NPFFR1: variants seen among roughly 807,000 people sequenced by gnomAD.
NPFFR1 encodes neuropeptide FF receptor 1, also known as G-protein coupled receptor 147.
NPFFR1 carries 17 observed loss-of-function variants against 12.7 expected under a neutral mutation model. That is an observed-to-expected ratio of 1.34 (90% CI 0.92 to 2.01). The LOEUF (loss-of-function observed/expected upper bound fraction) is 2.01, where lower values mean the gene tolerates loss of function less well. NPFFR1 is among the 30% of genes most tolerant of loss of function. The probability of loss-of-function intolerance (pLI) is 0.00; values close to 1 mark genes in which losing one functional copy is unlikely to be tolerated. For synonymous variants in NPFFR1, 296 were observed against 264.5 expected (o/e 1.12, Z -1.16); for missense variants, 604 against 606.5 (o/e 1.00, Z 0.04).
rs1840476843 is a variant in NPFFR1, at chr10:70,248,487, T to TTTTTTTTG, written c.*6469_*6470insCAAAAAAA. 9.0e-6 allele frequency: 1 copy of TTTTTTTTG among 111,444 alleles called. No homozygotes were observed. Among genetic ancestry groups the TTTTTTTTG allele is most frequent in the African/African-American group, 3.3e-5 (1 of 30,264 alleles). The allele number at this position is 111,444 out of a possible 1,614,324, so 6.9% of individuals were successfully genotyped here. ...CTGGCGTTTTTTTTTTGTTTTTTGT[T>TTTTTTTTG]TTTTTTTTTTTTTTTTGAGATGGAG... is the stretch of plus-strand genomic sequence containing the variant. On this transcript the variant is annotated 3_prime_UTR_variant, in exon 4 of 4. Coordinates refer to ENST00000277942, the MANE Select transcript of NPFFR1 (RefSeq NM_022146.5).
chr10:70,272,858 A>G (rs1275024802), intron 1 of NPFFR1, among the ~76,000 whole-genome samples: 1 of 152,220 alleles, frequency 6.6e-6, no homozygotes, highest in Non-Finnish European at 1.5e-5. Flanking sequence ...GATGAGAGGG[A>G]AAGTATTGAC....
intron 1 of NPFFR1, among the ~76,000 whole-genome samples, chr10:70,270,320 C>T (rs1840733224): frequency 6.6e-6 from 1 of 152,164 alleles, no homozygotes; most frequent in Non-Finnish European, 1.5e-5. Flanking sequence ...CAGAAAGAAC[C>T]CCCATGAGAG....
At chr10:70,259,299 A>AG (rs1840610188) in intron 3 of NPFFR1, among the ~76,000 whole-genome samples, 1 of 151,908 alleles carries the variant, frequency 6.6e-6, no homozygotes, top group Non-Finnish European at 1.5e-5. Flanking sequence ...TCAAAAAAAA[A>AG]AAAGAAAGAA....
intron 3 of NPFFR1, among the ~76,000 whole-genome samples, chr10:70,257,515 C>T (rs577985516): frequency 1.3e-5 from 2 of 152,350 alleles, no homozygotes; most frequent in African/African-American, 2.4e-5. Context: ...CAATGCACTG[C>T]GGAAAGCCGC....
chr10:70,276,230 G>A (rs1049307682), intron 1 of NPFFR1, among the ~76,000 whole-genome samples: 2 of 152,154 alleles, frequency 1.3e-5, no homozygotes, highest in Non-Finnish European at 2.9e-5. Flanking sequence ...AGGCAGAACC[G>A]GGGTCACTCT....
At position 70,253,922 on chromosome 10, in the gene NPFFR1, G is replaced by A. The variant is rs74820364; in HGVS notation, c.*1035C>T. 23,908 of 152,074 alleles carry A rather than the reference G, an allele frequency of 0.16. 2,033 individuals carry two copies. Among genetic ancestry groups the A allele is most frequent in the Middle Eastern group, 0.21 (63 of 296 alleles). The allele number at this position is 152,074 out of a possible 1,614,324, so 9.4% of individuals were successfully genotyped here. ...TTAGAGTACACAAGTCATTTGTGCT[G>A]GGGAAGAGTTTAGTGTGTGTCCTTC... On this transcript the variant is annotated 3_prime_UTR_variant, in exon 4 of 4. Coordinates refer to ENST00000277942, the MANE Select transcript of NPFFR1 (RefSeq NM_022146.5).
chr10:70,259,818 C>T (rs1190841993), intron 3 of NPFFR1, among the ~76,000 whole-genome samples: 3 of 152,210 alleles, frequency 2.0e-5, no homozygotes, highest in Admixed American at 6.5e-5. Context: ...TCACTGAAGC[C>T]TCCCAACCAT....
intron 1 of NPFFR1, among the ~76,000 whole-genome samples, chr10:70,280,786 G>A (rs531331439): frequency 4.1e-4 from 62 of 152,214 alleles, no homozygotes; most frequent in Middle Eastern, 3.4e-3. Context: ...GGCAGATCAC[G>A]AGGTCAGGAG....
At chr10:70,265,940 G>C in intron 2 of NPFFR1, 137 bp downstream of exon 2, 1 of 727,566 alleles carries the variant, frequency 1.4e-6, no homozygotes, top group Non-Finnish European at 2.3e-6. Flanking sequence ...AGACTGTCTT[G>C]AGAGTTCGAG....
chr10:70,255,780 T>G lies in NPFFR1; in HGVS notation c.470A>C (p.Lys157Thr). ...GATGACGGCGATGGTGACGAGCGCC[T>G]TCCGCAGGGTCAGCTTCTCGCGGAA... The part of the protein sequence containing the change: ...HPFREKLTLR[K>T]ALVTIAVIWA... The change falls in exon 4 of 4, where the codon AAG (lysine) becomes ACG (threonine). Residue 157 changes from lysine (K) to threonine (T), a missense_variant. Physicochemically the swap from Lys to Thr is moderately conservative, Grantham distance 78 (BLOSUM62 -1). Coordinates refer to ENST00000277942, the MANE Select transcript of NPFFR1 (RefSeq NM_022146.5). This position sits in a 1 kb window ranked among gnomAD's most constrained non-coding sequence, Gnocchi z 4.2. 1 of 1,611,446 alleles carries G rather than the reference T, an allele frequency of 6.2e-7. No homozygotes were observed.
intron 3 of NPFFR1, among the ~76,000 whole-genome samples, chr10:70,257,516 G>A (rs143685359): frequency 0.011 from 1,643 of 152,350 alleles, 14 homozygotes; most frequent in Non-Finnish European, 0.016. Flanking sequence ...AATGCACTGC[G>A]GAAAGCCGCG....
In NPFFR1 at chr10:70,255,577, A is replaced by G; in HGVS notation, c.673T>C (p.Tyr225His). ...ACGATGAGCGCCAGCGGCGCCAGGT[A>G]GATGTGCGAGAAGAGCACAGTGGTG... is the stretch of plus-strand genomic sequence containing the variant. ...VYTTVLFSHI[Y>H]LAPLALIVVM... Residue 225 changes from tyrosine to histidine, a missense_variant, in exon 4 of 4, where the codon TAC (tyrosine) becomes CAC (histidine). By Grantham distance (83) the Tyr-to-His change is moderately conservative. Coordinates refer to ENST00000277942, the MANE Select transcript of NPFFR1 (RefSeq NM_022146.5). This position sits in a 1 kb window ranked among gnomAD's most constrained non-coding sequence, Gnocchi z 4.2. The G allele has an allele frequency of 6.4e-7, 1 of 1,552,008 alleles. No individual in the cohort carries two copies. Among genetic ancestry groups the G allele is most frequent in the Non-Finnish European group, 8.7e-7 (1 of 1,147,694 alleles).
intron 3 of NPFFR1, 40 bp downstream of exon 3, chr10:70,260,600 C>T: frequency 1.3e-6 from 2 of 1,538,834 alleles, no homozygotes; most frequent in Non-Finnish European, 1.8e-6. Flanking sequence ...ATGCCAGGCC[C>T]TAGTTGGCTC....
chr10:70,278,810 T>G (rs776163812), intron 1 of NPFFR1, among the ~76,000 whole-genome samples: 18 of 152,226 alleles, frequency 1.2e-4, no homozygotes, highest in Non-Finnish European at 1.8e-4. Context: ...GGAAATATTA[T>G]TTAGTAAAAC....
At position 70,248,486 on chromosome 10, in the gene NPFFR1, T is replaced by TTTTTG. The variant is rs1840476706; in HGVS notation, c.*6470_*6471insCAAAA. On this transcript the variant is annotated 3_prime_UTR_variant, in exon 4 of 4. Transcript: ENST00000277942. The stretch of plus-strand genomic sequence containing the variant: ...CCTGGCGTTTTTTTTTTGTTTTTTG[T>TTTTTG]TTTTTTTTTTTTTTTTTGAGATGGA... 1.2e-5 allele frequency: 1 copy of TTTTTG among 83,874 alleles called. No homozygotes were observed. The highest frequency in any genetic ancestry group is 2.5e-5 in the Non-Finnish European group (1 of 40,434). The allele number at this position is 83,874 out of a possible 1,614,324, so 5.2% of individuals were successfully genotyped here. A position where few individuals can be genotyped will look rare whatever the true frequency, so the allele number is the denominator to read the frequency against.
In NPFFR1 at chr10:70,277,876, A is replaced by G. The variant is rs1328579056; in HGVS notation, c.7+5794T>C. The G allele has an allele frequency of 1.0e-5, 5 of 502,224 alleles. No homozygotes were observed. In the East Asian group the frequency reaches 2.2e-4, roughly 23 times the overall value. 31.1% of individuals were successfully genotyped at this position (502,224 alleles called of 1,614,324 possible). A position where few individuals can be genotyped will look rare whatever the true frequency, so the allele number is the denominator to read the frequency against. On this transcript the variant is annotated intron_variant, in intron 1 of 3. Transcript: ENST00000277942. ...GGCAAATGAGGGTTACTGCCCGGCTAACCATAGCAACTCTGCAGGGGGCTT... is the reference window on the plus strand; with the variant it reads ...GGCAAATGAGGGTTACTGCCCGGCTGACCATAGCAACTCTGCAGGGGGCTT...
At chr10:70,265,383 G>A (rs140149114) in intron 2 of NPFFR1, among the ~76,000 whole-genome samples, 14 of 152,192 alleles carry the variant, frequency 9.2e-5, no homozygotes, top group Non-Finnish European at 1.6e-4. Flanking sequence ...AAGGCCAGTC[G>A]CATGAGAGAG....
chr10:70,281,535 G>A (rs1037112494), intron 1 of NPFFR1, among the ~76,000 whole-genome samples: 1 of 152,176 alleles, frequency 6.6e-6, no homozygotes, highest in Non-Finnish European at 1.5e-5. Flanking sequence ...TCAGAAGCAG[G>A]AGAATCAAAC....
chr10:70,262,970 T>A (rs1468837660), intron 2 of NPFFR1, among the ~76,000 whole-genome samples: 1 of 152,016 alleles, frequency 6.6e-6, no homozygotes, highest in Non-Finnish European at 1.5e-5. Flanking sequence ...CCAGCCTGGG[T>A]AATATAGTGA....
Sources: gnomAD v4.1 joint callset for allele counts (sites outside exome capture counted in the v4.1 genomes callset) on GRCh38, gnomAD v4.1.1 for gene constraint, Gnocchi (gnomAD v3.1) non-coding constraint, MANE v1.5 for transcripts, NCBI Gene and HGNC (gene_info 2026-07-23, HGNC 2026-07-21) for gene names.